Variants in TCF25 observed in about 807,000 individuals in gnomAD.
TCF25 encodes the protein ribosome quality control complex subunit TCF25.
In TCF25, 41 loss-of-function variants were observed where a neutral mutation model predicts 83.1. That is an observed-to-expected ratio of 0.49 (90% confidence interval 0.38 to 0.64). The LOEUF is 0.64. Ranked by LOEUF, TCF25 falls within the 30% of genes least tolerant of loss-of-function variation. The pLI is 0.00. For synonymous variants in TCF25, 458 were observed against 365.0 expected (o/e 1.25, Z -2.90); for missense variants, 979 against 914.5 (o/e 1.07, Z -0.91).
intron 1 of TCF25, 115 bp downstream of exon 1, chr16:89,873,974 C>G (rs2041952326): frequency 7.8e-6 from 8 of 1,024,036 alleles, no homozygotes; most frequent in East Asian, 5.9e-5. Flanking sequence ...GGAAGGGTGA[C>G]GTGGGTCCCA....
intron 4 of TCF25, among the ~76,000 whole-genome samples, chr16:89,886,876 G>A (rs942349915): frequency 4.6e-5 from 7 of 152,160 alleles, no homozygotes; most frequent in Admixed American, 4.6e-4. Context: ...GGCAGAGGTT[G>A]CAGTGAGCCG....
chr16:89,904,307 C>T, intron 13 of TCF25, 102 bp downstream of exon 13: 4 of 1,307,528 alleles, frequency 3.1e-6, no homozygotes, highest in Non-Finnish European at 3.2e-6. Context: ...CTGCTTCCAG[C>T]AGCAGGAGGG....
Position 89,892,342 on chromosome 16 carries a change from A to G in TCF25, c.697+67A>G, listed in dbSNP as rs1037593985. On this transcript the variant is annotated intron_variant, in intron 6 of 17. Transcript: ENST00000263346. ...GCGTTGTCTGTGCACTGGCCCCGGT[A>G]CAGCAAACCAGGTGAGGGTCTGCAG... 6.6e-6 allele frequency: 10 copies of G among 1,525,962 alleles called. No individual in the cohort carries two copies. The African/African-American group carries it at 1.2e-4, about 19-fold the overall frequency. The allele number at this position is 1,525,962 out of a possible 1,614,324, so 94.5% of individuals were successfully genotyped here. A position where few individuals can be genotyped will look rare whatever the true frequency, so the allele number is the denominator to read the frequency against.
At position 89,884,573 on chromosome 16, in the gene TCF25, T is replaced by C. The variant is rs754907582; in HGVS notation, c.355-9T>C. ...CATTCTACTGATGAAAATGTGTTTC[T>C]ATCATTAGTCTCATGCAAGTGGCAA... On this transcript the variant is annotated splice_polypyrimidine_tract_variant and intron_variant, in intron 2 of 17. Transcript: ENST00000263346. 24 of 1,612,614 alleles carry C rather than the reference T, an allele frequency of 1.5e-5. No homozygotes were observed. Among genetic ancestry groups the C allele is most frequent in the African/African-American group, 4.0e-5 (3 of 74,772 alleles).
chr16:89,885,541 C>T (rs1156655140), intron 3 of TCF25, among the ~76,000 whole-genome samples: 2 of 152,150 alleles, frequency 1.3e-5, no homozygotes, highest in Admixed American at 6.5e-5. Flanking sequence ...GCTTTGTTGC[C>T]GTTTAGTTGG....
chr16:89,908,625 A>AACTCTCT (rs1567745864), intron 16 of TCF25, among the ~76,000 whole-genome samples: 1 of 65,378 alleles, frequency 1.5e-5, no homozygotes, highest in Non-Finnish European at 3.1e-5. Flanking sequence ...CCCACCTCCC[A>AACTCTCT]GCTCCCACCT....
intron 5 of TCF25, 146 bp downstream of exon 5, chr16:89,887,863 G>A: frequency 1.5e-6 from 1 of 665,102 alleles, no homozygotes. Context: ...ATTGGGGTCT[G>A]AATGGGAGTC....
chr16:89,907,350 C>G, intron 16 of TCF25, 28 bp downstream of exon 16: 1 of 1,529,270 alleles, frequency 6.5e-7, no homozygotes, highest in Non-Finnish European at 9.0e-7. Flanking sequence ...GTTCCCACCT[C>G]CCAGCTCCCA....
At chr16:89,897,327 G>A (rs1363075517) in intron 9 of TCF25, among the ~76,000 whole-genome samples, 5 of 152,236 alleles carry the variant, frequency 3.3e-5, no homozygotes, top group African/African-American at 9.6e-5. Context: ...ACTGGCTTCC[G>A]CCAGGCCTTC....
chr16:89,887,744 C>T (rs1231941374), intron 5 of TCF25, 27 bp downstream of exon 5: 1 of 1,536,430 alleles, frequency 6.5e-7, no homozygotes. Flanking sequence ...GCTGCATTCT[C>T]ACAGCTGCTT....
At chr16:89,895,859 C>A in intron 8 of TCF25, 131 bp from the exon 9 acceptor site, 1 of 735,238 alleles carries the variant, frequency 1.4e-6, no homozygotes. Context: ...GCATGTCTGC[C>A]CTCTCAGTGT....
chr16:89,877,358 C>T (rs1264307279), intron 1 of TCF25, among the ~76,000 whole-genome samples: 1 of 152,062 alleles, frequency 6.6e-6, no homozygotes, highest in Non-Finnish European at 1.5e-5. Context: ...TGGGTGTCAC[C>T]ACACCTGGCT....
intron 12 of TCF25, chr16:89,901,120 A>T: frequency 4.2e-6 from 1 of 236,294 alleles, no homozygotes; most frequent in Non-Finnish European, 8.5e-6. Flanking sequence ...AAAGCAGGGG[A>T]AGGTCTCGGC....
At chr16:89,910,134 C>T (rs559893421) in intron 16 of TCF25, 49 of 168,306 alleles carry the variant, frequency 2.9e-4, no homozygotes, top group Non-Finnish European at 4.5e-4. Context: ...CCCTAGAGCT[C>T]CTGAGGCCTG....
At chr16:89,893,894 G>A (rs1463977605) in intron 7 of TCF25, 36 bp downstream of exon 7, 3 of 1,571,396 alleles carry the variant, frequency 1.9e-6, no homozygotes, top group Non-Finnish European at 2.6e-6. Context: ...AGGAGCAGGG[G>A]CCATGTAGCC....
intron 13 of TCF25, 171 bp downstream of exon 13, chr16:89,904,376 C>T: frequency 1.4e-6 from 1 of 720,346 alleles, no homozygotes; most frequent in Non-Finnish European, 2.3e-6. Context: ...GAGCCCTCAT[C>T]TGTGTGGAAA....
At position 89,907,295 on chromosome 16, in the gene TCF25, CA is replaced by C; in HGVS notation, c.1774del (p.Ile592SerfsTer10). 1 of 1,612,818 alleles carries C rather than the reference CA, an allele frequency of 6.2e-7. No individual in the cohort carries two copies. Among genetic ancestry groups the C allele is most frequent in the Non-Finnish European group, 8.5e-7 (1 of 1,179,376 alleles). ...MGFDPLPPSD[T>X]IYSYVRPERL... Reference sequence around the variant, plus strand: ...TTTGATCCTCTGCCTCCTTCGGACACAATCTACTCCTACGTCAGGCCAGAGA... The same window carrying C: ...TTTGATCCTCTGCCTCCTTCGGACACATCTACTCCTACGTCAGGCCAGAGA... On this transcript the variant is annotated frameshift_variant, in exon 16 of 18. Coordinates refer to ENST00000263346, the MANE Select transcript of TCF25 (RefSeq NM_014972.3). LOFTEE classifies it high-confidence loss of function.
chr16:89,897,409 A>C (rs560572078), intron 9 of TCF25, among the ~76,000 whole-genome samples: 2 of 152,330 alleles, frequency 1.3e-5, no homozygotes, highest in South Asian at 4.1e-4. Flanking sequence ...TCCTGTGTGC[A>C]GTGCCCTGTT....
At chr16:89,884,012 A>G (rs1309590626) in intron 2 of TCF25, 1 of 166,566 alleles carries the variant, frequency 6.0e-6, no homozygotes, top group African/African-American at 2.4e-5. Context: ...CCCTAAAAGG[A>G]GAGCTTGTGT....
Sources: allele counts gnomAD v4.1 joint callset (sites outside exome capture counted in the v4.1 genomes callset), GRCh38; gene constraint gnomAD v4.1.1; transcripts MANE v1.5; gene names NCBI Gene and HGNC (gene_info 2026-07-23, HGNC 2026-07-21).